The following CNBD1 variants were observed in gnomAD, a reference collection of about 807,000 sequenced individuals.
CNBD1 encodes cyclic nucleotide binding domain containing 1, also known as cyclic nucleotide-binding domain-containing protein 1.
CNBD1 carries 71 observed loss-of-function variants against 54.4 expected under a neutral mutation model. The observed-to-expected ratio is 1.30, with a 90% confidence interval of 1.08 to 1.59. CNBD1 has a LOEUF of 1.59. CNBD1 is among the 40% of genes most tolerant of loss of function. The pLI, the probability that CNBD1 is intolerant of heterozygous loss-of-function variation, is 0.00. For missense variants in CNBD1, 659 were observed against 518.0 expected, an observed-to-expected ratio of 1.27 and a Z score of -2.64; for synonymous variants, 182 against 170.7, an observed-to-expected ratio of 1.07 and a Z score of -0.51.
At chr8:87,304,360 A>G (rs1035373906) in intron 8 of CNBD1, among the ~76,000 whole-genome samples, 5 of 152,154 alleles carry the variant, frequency 3.3e-5, no homozygotes, top group Admixed American at 6.5e-5. Context: ...GCTGGAAACC[A>G]TCATTCTCAG....
rs555780799 is a variant in CNBD1 at position 87,236,800 on chromosome 8, T to C, written c.578-119T>C. On this transcript the variant is annotated intron_variant, in intron 5 of 10. Transcript: ENST00000518476. ...ATGCCTATTACATTAAATTCACTGT[T>C]ACAGAATACACTGAAAGAAATACGT... 6 of 550,514 alleles carry C rather than the reference T, an allele frequency of 1.1e-5. No homozygotes were observed. In the East Asian group the frequency reaches 1.7e-4, roughly 16 times the overall value. The allele number at this position is 550,514 out of a possible 1,614,324, so 34.1% of individuals were successfully genotyped here.
intron 6 of CNBD1, among the ~76,000 whole-genome samples, chr8:87,276,775 G>A (rs1056312657): frequency 2.6e-5 from 4 of 151,790 alleles, no homozygotes; most frequent in Non-Finnish European, 5.9e-5. Flanking sequence ...AGCCAGACAT[G>A]TCCTGCTGCT....
At chr8:86,884,172 AAAAC>A (rs1476531030) in intron 1 of CNBD1, among the ~76,000 whole-genome samples, 20 of 141,250 alleles carry the variant, frequency 1.4e-4, no homozygotes, top group South Asian at 6.7e-4. Context: ...AAAACAAAAC[AAAAC>A]AAAAAAACCT....
chr8:87,112,012 C>T (rs1299103967), intron 4 of CNBD1, among the ~76,000 whole-genome samples: 2 of 152,196 alleles, frequency 1.3e-5, no homozygotes, highest in Non-Finnish European at 1.5e-5. Context: ...CAAGACCTCC[C>T]TTATTGTTTC....
intron 8 of CNBD1, among the ~76,000 whole-genome samples, chr8:87,319,621 CAG>C (rs1809477662): frequency 6.6e-6 from 1 of 151,996 alleles, no homozygotes; most frequent in Non-Finnish European, 1.5e-5. Context: ...TGTGTAGCAA[CAG>C]GGGAAATATA....
intron 4 of CNBD1, among the ~76,000 whole-genome samples, chr8:87,027,365 G>A (rs1290788927): frequency 6.6e-6 from 1 of 152,038 alleles, no homozygotes; most frequent in Non-Finnish European, 1.5e-5. Flanking sequence ...ACCGTCTCCT[G>A]GGTTCAAGTG....
At chr8:87,364,828 T>C (rs1019893681) in intron 10 of CNBD1, among the ~76,000 whole-genome samples, 8 of 152,132 alleles carry the variant, frequency 5.3e-5, no homozygotes, top group Non-Finnish European at 7.4e-5. Flanking sequence ...GATATCATTC[T>C]TTTTTATGGC....
intron 2 of CNBD1, among the ~76,000 whole-genome samples, chr8:87,417,580 G>T (rs761421965): frequency 6.6e-6 from 1 of 151,900 alleles, no homozygotes; most frequent in Non-Finnish European, 1.5e-5. Flanking sequence ...TGACATAATT[G>T]TGTATATAGA....
chr8:87,365,603 G>A (rs149232612), intron 10 of CNBD1, among the ~76,000 whole-genome samples: 3 of 152,040 alleles, frequency 2.0e-5, no homozygotes, highest in African/African-American at 7.2e-5. Flanking sequence ...ACATTGCCAT[G>A]CCATGTCTAA....
rs549462987 is a variant in CNBD1 at position 87,423,766 on chromosome 8, T to G, written c.214-4780T>G. On this transcript the variant is annotated intron_variant, in intron 2 of 7. Transcript: ENST00000521593. ...TTTGGTTGTGTCTCTGCCCGGCTTT[T>G]GTATCAGAATGATGCTGGCCTCATA... Among the ~76,000 whole-genome samples, 628 of 151,904 alleles carry G rather than the reference T, an allele frequency of 4.1e-3. 2 individuals carry two copies. The highest frequency in any genetic ancestry group is 0.011 in the African/African-American group (436 of 41,286).
chr8:87,350,818 A>C lies in CNBD1; in HGVS notation c.1043-867A>C, dbSNP rs866293127. On this transcript the variant is annotated intron_variant, in intron 8 of 10. Transcript: ENST00000518476. ...TTTTGAAATACTAATTTTAATTTAT[A>C]TATTGCCAAGTATTTAAATCATGAT... Among the ~76,000 whole-genome samples, 208 of 151,766 alleles carry C rather than the reference A, an allele frequency of 1.4e-3. 3 individuals carry two copies. The South Asian group carries it at 0.022, about 16-fold the overall frequency.
intron 4 of CNBD1, among the ~76,000 whole-genome samples, chr8:87,067,931 C>T (rs1266870982): frequency 6.6e-6 from 1 of 151,918 alleles, no homozygotes; most frequent in African/African-American, 2.4e-5. Flanking sequence ...GTAGTTAGCA[C>T]TTGAGTTTTT....
intron 4 of CNBD1, among the ~76,000 whole-genome samples, chr8:87,172,689 A>T (rs771395782): frequency 6.0e-5 from 9 of 149,998 alleles, no homozygotes; most frequent in East Asian, 2.0e-4. Context: ...AAGTATAACT[A>T]CTCCTGTTCT....
Position 87,341,723 on chromosome 8 carries a change from C to G in CNBD1, c.1043-9962C>G, listed in dbSNP as rs75891337. 3.9e-3 allele frequency among the ~76,000 whole-genome samples: 591 copies of G among 152,300 alleles called. 8 individuals carry two copies. The highest frequency in any genetic ancestry group is 0.013 in the African/African-American group (557 of 41,562). Reference sequence around the variant, plus strand: ...TCTTGTGAAGAAAAGTGTTTCCTGTCCTCTGGAGGATGTAGCAACAAGACA... The same window carrying G: ...TCTTGTGAAGAAAAGTGTTTCCTGTGCTCTGGAGGATGTAGCAACAAGACA... On this transcript the variant is annotated intron_variant, in intron 8 of 10. Coordinates refer to ENST00000518476, the MANE Select transcript of CNBD1 (RefSeq NM_173538.3).
chr8:87,390,004 TC>T (rs371565009), intron 2 of CNBD1, among the ~76,000 whole-genome samples: 38,792 of 149,082 alleles, frequency 0.26, 5,877 homozygotes, highest in Middle Eastern at 0.4. Context: ...GGGAAAGGAT[TC>T]CCTATTTAAT....
rs144585734 is a variant in CNBD1, at chr8:87,291,059, T to A, written c.1042+4388T>A. Among the ~76,000 whole-genome samples, 1,201 of 152,274 alleles carry A rather than the reference T, an allele frequency of 7.9e-3. 10 individuals are homozygous for A. The highest frequency in any genetic ancestry group is 0.027 in the African/African-American group (1,126 of 41,564). The stretch of plus-strand genomic sequence containing the variant: ...TTAGCTATGCTAATCAGTTTTAAAG[T>A]TTTTCTTGTTATTCACCCACTTAGA... On this transcript the variant is annotated intron_variant, in intron 8 of 10. Coordinates refer to ENST00000518476, the MANE Select transcript of CNBD1 (RefSeq NM_173538.3).
chr8:87,264,682 A>G (rs898644618), intron 6 of CNBD1, among the ~76,000 whole-genome samples: 36 of 152,070 alleles, frequency 2.4e-4, no homozygotes, highest in African/African-American at 8.5e-4. Context: ...CTTTTTAGTG[A>G]TCGCCATTCT....
chr8:86,905,131 A>T lies in CNBD1; in HGVS notation c.209A>T (p.Tyr70Phe). ...LSAHDTFMKQYPKVFLHQKPR... is the reference protein window; with the variant it reads ...LSAHDTFMKQFPKVFLHQKPR... ...GCTCACGATACATTTATGAAGCAAT[A>T]TCCTAAAGTATTCCTGCACCAAAAA... Residue 70 changes from tyrosine to phenylalanine, a missense_variant, in exon 3 of 11, where the codon TAT (tyrosine) becomes TTT (phenylalanine). Transcript: ENST00000518476. 6.2e-7 allele frequency: 1 copy of T among 1,612,722 alleles called. No homozygotes were observed. The highest frequency in any genetic ancestry group is 1.1e-5 in the South Asian group (1 of 90,926).
At chr8:87,319,569 C>CA (rs1809476357) in intron 8 of CNBD1, among the ~76,000 whole-genome samples, 1 of 151,916 alleles carries the variant, frequency 6.6e-6, no homozygotes, top group Admixed American at 6.6e-5. Context: ...TTCTACTATA[C>CA]AAAAAAGTTA....
Sources: gnomAD v4.1 joint callset for allele counts (sites outside exome capture counted in the v4.1 genomes callset) on GRCh38, gnomAD v4.1.1 for gene constraint, MANE v1.5 for transcripts, NCBI Gene and HGNC (gene_info 2026-07-23, HGNC 2026-07-21) for gene names.